Variants in SNX29 observed in about 807,000 individuals in gnomAD.
The protein encoded by SNX29 is sorting nexin-29.
SNX29 carries 78 observed loss-of-function variants against 102.1 expected under a neutral mutation model. The observed-to-expected ratio is 0.76, with a 90% CI of 0.64 to 0.92. The LOEUF is 0.92. Among genes scored for constraint, SNX29 ranks in the 40% least tolerant of loss-of-function variants. The pLI, the probability that SNX29 is intolerant of heterozygous loss-of-function variation, is 0.00. For synonymous variants in SNX29, 580 were observed against 414.5 expected, an observed-to-expected ratio of 1.40 and a Z score of -4.85; for missense variants, 1,280 against 1,061.7, an observed-to-expected ratio of 1.21 and a Z score of -2.86.
At chr16:12,226,586 T>C (rs1338497636) in intron 14 of SNX29, among the ~76,000 whole-genome samples, 1 of 150,700 alleles carries the variant, frequency 6.6e-6, no homozygotes, top group African/African-American at 2.4e-5. Context: ...TTTTTTTTTT[T>C]TTTTGGAGAC....
chr16:12,441,233 G>A (rs1270460453), intron 18 of SNX29, among the ~76,000 whole-genome samples: 6 of 151,698 alleles, frequency 4.0e-5, no homozygotes, highest in East Asian at 1.9e-4. Flanking sequence ...GACTACAGGC[G>A]CCTGCCACTG....
intron 18 of SNX29, among the ~76,000 whole-genome samples, chr16:12,462,038 C>G (rs2086826705): frequency 7.4e-6 from 1 of 134,568 alleles, no homozygotes; most frequent in Admixed American, 7.9e-5. Context: ...CACACACACA[C>G]ACACACTCTT....
At chr16:12,077,923 G>C (rs1483361231) in intron 10 of SNX29, among the ~76,000 whole-genome samples, 1 of 151,968 alleles carries the variant, frequency 6.6e-6, no homozygotes, top group Non-Finnish European at 1.5e-5. Flanking sequence ...ACCTGGCCTG[G>C]TCACAGCATT....
chr16:12,059,199 C>T (rs1295781207), intron 8 of SNX29, among the ~76,000 whole-genome samples: 2 of 152,188 alleles, frequency 1.3e-5, no homozygotes, highest in African/African-American at 2.4e-5. Flanking sequence ...CAAGAATTAT[C>T]TTAGAAACCA....
At chr16:12,478,547 C>CA (rs747388552) in intron 19 of SNX29, among the ~76,000 whole-genome samples, 2 of 152,316 alleles carry the variant, frequency 1.3e-5, no homozygotes, top group South Asian at 2.1e-4. Flanking sequence ...ATTATTCACT[C>CA]AGCAGTCATT....
chr16:11,990,409 C>T (rs1041928006), intron 1 of SNX29, among the ~76,000 whole-genome samples: 4 of 152,288 alleles, frequency 2.6e-5, no homozygotes, highest in Admixed American at 2.6e-4. Flanking sequence ...GCCAGCCCAA[C>T]CCGCTCATTT....
intron 18 of SNX29, among the ~76,000 whole-genome samples, chr16:12,456,230 G>A (rs188095968): frequency 2.0e-5 from 3 of 152,258 alleles, no homozygotes; most frequent in East Asian, 1.9e-4. Flanking sequence ...CAGAGCTTAC[G>A]TTCAGTGGAG....
chr16:12,059,953 C>T (rs974188967), intron 8 of SNX29, among the ~76,000 whole-genome samples: 2 of 152,166 alleles, frequency 1.3e-5, no homozygotes, highest in Non-Finnish European at 2.9e-5. Context: ...TTTTGCCTCC[C>T]TTCCCTTTGT....
At chr16:12,553,752 C>G (rs927281373) in intron 20 of SNX29, among the ~76,000 whole-genome samples, 28 of 151,964 alleles carry the variant, frequency 1.8e-4, no homozygotes, top group Non-Finnish European at 3.8e-4. Context: ...CACCCCCAGC[C>G]TAGTTTTTTT....
intron 20 of SNX29, among the ~76,000 whole-genome samples, chr16:12,551,745 T>G (rs1430340284): frequency 6.6e-6 from 1 of 152,202 alleles, no homozygotes; most frequent in Admixed American, 6.5e-5. Flanking sequence ...AAGAAATACT[T>G]CCTGGCTGCC....
At chr16:12,242,309 T>C (rs1019604055) in intron 14 of SNX29, among the ~76,000 whole-genome samples, 6 of 148,996 alleles carry the variant, frequency 4.0e-5, no homozygotes, top group African/African-American at 1.2e-4. Flanking sequence ...TATTTATTTA[T>C]AGTGGCATTA....
At chr16:12,300,702 C>T (rs141894327) in intron 15 of SNX29, among the ~76,000 whole-genome samples, 128 of 152,276 alleles carry the variant, frequency 8.4e-4, no homozygotes, top group Non-Finnish European at 1.6e-3. Flanking sequence ...GTTGCTCCAG[C>T]GGCCGTCGTG....
chr16:12,457,599 C>G (rs1221808147), intron 18 of SNX29, among the ~76,000 whole-genome samples: 1 of 152,196 alleles, frequency 6.6e-6, no homozygotes, highest in Non-Finnish European at 1.5e-5. Context: ...ACGTCTCCAC[C>G]ACTCACTCTG....
chr16:12,528,690 C>T (rs2076852178), intron 20 of SNX29, among the ~76,000 whole-genome samples: 1 of 152,226 alleles, frequency 6.6e-6, no homozygotes, highest in Non-Finnish European at 1.5e-5. Context: ...GACTACCTGG[C>T]TCTGGAGTTT....
intron 18 of SNX29, among the ~76,000 whole-genome samples, chr16:12,417,177 A>G (rs1214503331): frequency 6.6e-6 from 1 of 152,210 alleles, no homozygotes; most frequent in Admixed American, 6.5e-5. Context: ...TCCGTATCTT[A>G]CTGTTTATGA....
chr16:12,481,511 TAGAC>T (rs1355822581), intron 19 of SNX29, among the ~76,000 whole-genome samples: 1 of 111,240 alleles, frequency 9.0e-6, no homozygotes, highest in Admixed American at 1.0e-4. Flanking sequence ...CATATACATA[TAGAC>T]ACACACACAC....
At chr16:12,562,129 A>T (rs2078760230) in intron 20 of SNX29, among the ~76,000 whole-genome samples, 1 of 152,174 alleles carries the variant, frequency 6.6e-6, no homozygotes, top group African/African-American at 2.4e-5. Flanking sequence ...GTGTGACCCC[A>T]AAATGGCTCT....
intron 7 of SNX29, among the ~76,000 whole-genome samples, chr16:12,051,047 GCAGGGCA>G (rs1243318026): frequency 6.6e-6 from 1 of 152,194 alleles, no homozygotes; most frequent in Non-Finnish European, 1.5e-5. Context: ...TTTGGTAGAA[GCAGGGCA>G]TGGTGGCTCA....
chr16:12,431,434 C>CTTCTTCTTCTT, intron 18 of SNX29, among the ~76,000 whole-genome samples: 1 of 136,956 alleles, frequency 7.3e-6, no homozygotes, highest in African/African-American at 2.7e-5. Context: ...TCTTCTTCTT[C>CTTCTTCTTCTT]TTTTTTTTTT....
Sources: gnomAD v4.1 joint callset for allele counts (sites outside exome capture counted in the v4.1 genomes callset) on GRCh38, gnomAD v4.1.1 for gene constraint, MANE v1.5 for transcripts, NCBI Gene and HGNC (gene_info 2026-07-23, HGNC 2026-07-21) for gene names.